Variants in DNAJC10 observed in about 807,000 individuals in gnomAD.
DNAJC10 encodes DnaJ heat shock protein family (Hsp40) member C10.
A neutral mutation model predicts 115.0 loss-of-function variants in DNAJC10; 101 were observed. That is an observed-to-expected ratio of 0.88 (90% CI 0.75 to 1.04). DNAJC10 has a LOEUF of 1.04. Ranked by LOEUF, DNAJC10 falls within the 50% of genes least tolerant of loss-of-function variation. The pLI is 0.00. For synonymous variants in DNAJC10, 307 were observed against 301.5 expected (o/e 1.02, Z -0.19); for missense variants, 981 against 928.8 (o/e 1.06, Z -0.73).
chr2:182,752,012 T>C, intron 15 of DNAJC10, 60 bp from the exon 16 acceptor site: 5 of 1,375,240 alleles, frequency 3.6e-6, no homozygotes, highest in Non-Finnish European at 5.2e-6. Context: ...GTTGCAGAAA[T>C]GATGGGGGGG....
At chr2:182,744,583 A>G (rs1208272401) in intron 14 of DNAJC10, among the ~76,000 whole-genome samples, 2 of 152,162 alleles carry the variant, frequency 1.3e-5, no homozygotes, top group Non-Finnish European at 2.9e-5. Flanking sequence ...TCTAGGCTGG[A>G]GGAACTTTGG....
intron 23 of DNAJC10, among the ~76,000 whole-genome samples, chr2:182,776,521 AAGG>A (rs1694710606): frequency 6.6e-6 from 1 of 152,226 alleles, no homozygotes; most frequent in Admixed American, 6.5e-5. Context: ...TATGAGGCGA[AAGG>A]AGGACAAAAT....
intron 14 of DNAJC10, among the ~76,000 whole-genome samples, chr2:182,743,964 A>G (rs1169434109): frequency 6.6e-6 from 1 of 152,166 alleles, no homozygotes; most frequent in Admixed American, 6.5e-5. Context: ...CTAGTGAGAA[A>G]TTTAAGTCCT....
Position 182,788,012 on chromosome 2 carries a change from T to C in DNAJC10, c.*10880T>C, listed in dbSNP as rs1694980240. ...GAAAAATTAAGGCATATTATTTTACTGTACTCTCAGAAAGATGTTTAACAA... is the reference window on the plus strand; with the variant it reads ...GAAAAATTAAGGCATATTATTTTACCGTACTCTCAGAAAGATGTTTAACAA... On this transcript the variant is annotated 3_prime_UTR_variant, in exon 24 of 24. Coordinates refer to ENST00000264065, the MANE Select transcript of DNAJC10 (RefSeq NM_018981.4). 6.6e-6 allele frequency: 1 copy of C among 152,228 alleles called. No homozygotes were observed. The highest frequency in any genetic ancestry group is 1.5e-5 in the Non-Finnish European group (1 of 68,044). 9.4% of individuals were successfully genotyped at this position (152,228 alleles called of 1,614,324 possible).
intron 22 of DNAJC10, among the ~76,000 whole-genome samples, chr2:182,769,178 G>A (rs1694495381): frequency 6.6e-6 from 1 of 152,126 alleles, no homozygotes; most frequent in Non-Finnish European, 1.5e-5. Context: ...TGGCTGCATA[G>A]TATTCCATGG....
chr2:182,769,005 G>A (rs1220168276), intron 22 of DNAJC10, among the ~76,000 whole-genome samples: 2 of 152,006 alleles, frequency 1.3e-5, no homozygotes, highest in Non-Finnish European at 2.9e-5. Flanking sequence ...GCCCCAGTAT[G>A]TGATGTTCCC....
chr2:182,753,605 CAG>C (rs1280281993), intron 16 of DNAJC10, among the ~76,000 whole-genome samples: 2 of 57,022 alleles, frequency 3.5e-5, no homozygotes, highest in South Asian at 5.9e-4. Context: ...TTTTTTGAGA[CAG>C]AGTCTTGCTC....
At chr2:182,745,757 C>A (rs1388205155) in intron 14 of DNAJC10, among the ~76,000 whole-genome samples, 1 of 147,834 alleles carries the variant, frequency 6.8e-6, no homozygotes, top group African/African-American at 2.5e-5. Flanking sequence ...TATTATTATA[C>A]TTCAAGTTTT....
intron 1 of DNAJC10, among the ~76,000 whole-genome samples, chr2:182,716,742 G>GC (rs1553485999): frequency 2.6e-5 from 4 of 152,138 alleles, no homozygotes; most frequent in African/African-American, 9.7e-5. Flanking sequence ...ACACTTAACA[G>GC]CCCTGTTCCC....
rs142705407 is a variant in DNAJC10, at chr2:182,743,624, A to C, written c.1218A>C (p.Ala406=). 1.6e-4 allele frequency: 251 copies of C among 1,613,734 alleles called. 1 individual carries two copies. The African/African-American group carries it at 3.1e-3, about 20-fold the overall frequency. ...IQVGRFDCSS[A]PDICSNLYVF... Reference sequence around the variant, plus strand: ...TTGGCAGGTTTGACTGTTCCTCTGCACCAGACATCTGTAGTAATCTGTATG... The same window carrying C: ...TTGGCAGGTTTGACTGTTCCTCTGCCCCAGACATCTGTAGTAATCTGTATG... The change falls in exon 14 of 24, where the codon GCA becomes GCC. Residue 406 remains alanine, a synonymous_variant. Transcript: ENST00000264065.
At chr2:182,756,839 A>T (rs1237947483) in intron 18 of DNAJC10, among the ~76,000 whole-genome samples, 2 of 152,090 alleles carry the variant, frequency 1.3e-5, no homozygotes, top group African/African-American at 4.8e-5. Context: ...GGGTTTTGCC[A>T]TGTTGGCCAG....
intron 22 of DNAJC10, among the ~76,000 whole-genome samples, chr2:182,763,818 T>C (rs1489915444): frequency 6.6e-6 from 1 of 152,104 alleles, no homozygotes; most frequent in Non-Finnish European, 1.5e-5. Context: ...TGTTCTTCCT[T>C]GGTCATAGAT....
chr2:182,732,846 G>T, intron 10 of DNAJC10: 1 of 372,238 alleles, frequency 2.7e-6, no homozygotes, highest in South Asian at 3.6e-5. Flanking sequence ...ATCTTTTGTT[G>T]TTTTCTTTTT....
chr2:182,738,073 T>C (rs1004707979), intron 11 of DNAJC10, among the ~76,000 whole-genome samples: 14 of 152,354 alleles, frequency 9.2e-5, no homozygotes, highest in Admixed American at 2.6e-4. Flanking sequence ...TAAATGAATA[T>C]GTATACATTA....
intron 22 of DNAJC10, 62 bp downstream of exon 22, chr2:182,762,863 G>T: frequency 6.6e-7 from 1 of 1,526,268 alleles, no homozygotes; most frequent in Non-Finnish European, 8.9e-7. Flanking sequence ...ATGTGTTTCA[G>T]TCTGAGTAAT....
rs371253090 is a variant in DNAJC10, at chr2:182,729,664, T to A, written c.634-184T>A. On this transcript the variant is annotated intron_variant, in intron 7 of 23. Coordinates refer to ENST00000264065, the MANE Select transcript of DNAJC10 (RefSeq NM_018981.4). ...GATTATAAATGGTATTATTAAAATGTGTTCCATAGAATCTGTACTGTCAAG... is the reference window on the plus strand; with the variant it reads ...GATTATAAATGGTATTATTAAAATGAGTTCCATAGAATCTGTACTGTCAAG... Among the ~76,000 whole-genome samples the A allele has an allele frequency of 8.5e-5, 13 of 152,332 alleles. No homozygotes were observed. In the East Asian group the frequency reaches 1.9e-3, roughly 23 times the overall value.
rs1314835381 is a variant in DNAJC10, at chr2:182,784,348, AT to A, written c.*7217del. ...AAAAAAAAACAAAACAACAAAAAAA[AT>A]CATTTTGTTGGTATTTTATATAAAC... On this transcript the variant is annotated 3_prime_UTR_variant, in exon 24 of 24. Transcript: ENST00000264065. 1.1e-4 allele frequency: 17 copies of A among 152,056 alleles called. 2 individuals carry two copies. Among genetic ancestry groups the A allele is most frequent in the Admixed American group, 9.8e-4 (15 of 15,244 alleles). 9.4% of individuals were successfully genotyped at this position (152,056 alleles called of 1,614,324 possible).
chr2:182,737,325 A>G (rs566045587), intron 11 of DNAJC10, among the ~76,000 whole-genome samples: 202 of 152,288 alleles, frequency 1.3e-3, no homozygotes, highest in Middle Eastern at 0.01. Context: ...TTCCCTCTGT[A>G]CTTTAATTCT....
intron 18 of DNAJC10, 44 bp downstream of exon 18, chr2:182,756,513 A>T: frequency 6.4e-7 from 1 of 1,552,606 alleles, no homozygotes; most frequent in Non-Finnish European, 8.8e-7. Flanking sequence ...ATTTACTAAG[A>T]ATGTTTATTT....
Sources: allele counts gnomAD v4.1 joint callset (sites outside exome capture counted in the v4.1 genomes callset), GRCh38; gene constraint gnomAD v4.1.1; transcripts MANE v1.5; gene names NCBI Gene and HGNC (gene_info 2026-07-23, HGNC 2026-07-21).